Variants in ABHD6 observed in about 807,000 individuals in gnomAD.
The protein encoded by ABHD6 is monoacylglycerol lipase ABHD6.
ABHD6 carries 33 observed loss-of-function variants against 38.8 expected under a neutral mutation model. That is an observed-to-expected ratio of 0.85 (90% confidence interval 0.64 to 1.14). The LOEUF (loss-of-function observed/expected upper bound fraction) is 1.14, where lower values mean the gene tolerates loss of function less well. ABHD6 is among the 50% of genes most tolerant of loss of function. ABHD6 has a pLI of 0.00. For synonymous variants in ABHD6, 147 were observed against 161.6 expected (o/e 0.91, Z 0.69); for missense variants, 380 against 422.6 (o/e 0.90, Z 0.88).
intron 1 of ABHD6, among the ~76,000 whole-genome samples, chr3:58,245,734 C>T (rs1230524341): frequency 6.6e-6 from 1 of 151,546 alleles, no homozygotes; most frequent in Non-Finnish European, 1.5e-5. Context: ...GAACTGAGAT[C>T]GTGCCACTGC....
chr3:58,277,274 G>A (rs192711050), intron 7 of ABHD6, among the ~76,000 whole-genome samples: 20 of 152,168 alleles, frequency 1.3e-4, no homozygotes, highest in African/African-American at 3.4e-4. Context: ...ATTTGTTAGC[G>A]TCCTCTTTTA....
intron 6 of ABHD6, among the ~76,000 whole-genome samples, chr3:58,274,080 G>A (rs1258251085): frequency 2.6e-5 from 4 of 152,176 alleles, no homozygotes; most frequent in Non-Finnish European, 5.9e-5. Context: ...AGCAACTGTG[G>A]AGAAGGCAGC....
chr3:58,273,449 A>G lies in ABHD6; in HGVS notation c.524-1209A>G, dbSNP rs2097446456. On this transcript the variant is annotated intron_variant, in intron 6 of 9. Coordinates refer to ENST00000478253, the MANE Select transcript of ABHD6 (RefSeq NM_001320126.2). This position sits in a 1 kb window ranked among gnomAD's most constrained non-coding sequence, Gnocchi z 4.8. ...ACATATGTTTATTGCAGCACTATTTACGATAGCAAAGACTTGGAACTAACC... is the reference window on the plus strand; with the variant it reads ...ACATATGTTTATTGCAGCACTATTTGCGATAGCAAAGACTTGGAACTAACC... Among the ~76,000 whole-genome samples the G allele has an allele frequency of 6.6e-6, 1 of 152,198 alleles. No homozygotes were observed. The highest frequency in any genetic ancestry group is 6.5e-5 in the Admixed American group (1 of 15,270).
intron 9 of ABHD6, among the ~76,000 whole-genome samples, chr3:58,292,755 A>G (rs545061622): frequency 6.6e-6 from 1 of 152,132 alleles, no homozygotes; most frequent in African/African-American, 2.4e-5. Flanking sequence ...CATCTCTACT[A>G]GAAATACAAA....
chr3:58,290,758 C>T (rs907317067), intron 9 of ABHD6, among the ~76,000 whole-genome samples: 4 of 149,844 alleles, frequency 2.7e-5, no homozygotes, highest in African/African-American at 4.9e-5. Context: ...GGGGCAAAGG[C>T]GCTCTCCACA....
At position 58,289,875 on chromosome 3, in the gene ABHD6, C is replaced by CCT. The variant is rs35297776; in HGVS notation, c.838-3714_838-3713insCT. Among the ~76,000 whole-genome samples, 25 of 134,296 alleles carry CCT rather than the reference C, an allele frequency of 1.9e-4. 1 individual carries two copies. The East Asian group carries it at 3.7e-3, about 20-fold the overall frequency. The allele number at this position is 134,296 out of a possible 152,430, so 88.1% of individuals were successfully genotyped here. ...TGGCCGGGTAGGGGGCTGACCCCCC[C>CCT]ACCTCCCTCCCGGACGGGGTGGCTG... is the stretch of plus-strand genomic sequence containing the variant. On this transcript the variant is annotated intron_variant, in intron 9 of 9. Transcript: ENST00000478253.
rs1408882301 is a variant in ABHD6, at chr3:58,253,528, T to C, written c.-25-3034T>C. ...AAATAGGTGACTCCTTCAGGGATTT[T>C]TGTAATTACCGAAAGAGGAAAGATG... On this transcript the variant is annotated intron_variant, in intron 2 of 9. Transcript: ENST00000478253. 5.3e-5 allele frequency among the ~76,000 whole-genome samples: 8 copies of C among 152,246 alleles called. No homozygotes were observed. The East Asian group carries it at 1.5e-3, about 29-fold the overall frequency.
chr3:58,274,422 T>G (rs2271634), intron 6 of ABHD6, among the ~76,000 whole-genome samples: 43,238 of 152,050 alleles, frequency 0.28, 6,221 homozygotes, highest in African/African-American at 0.29. Context: ...ATGCTCCTGG[T>G]CCATGGACTA....
intron 7 of ABHD6, among the ~76,000 whole-genome samples, chr3:58,280,661 G>A (rs1358164528): frequency 2.0e-5 from 3 of 152,232 alleles, no homozygotes; most frequent in Non-Finnish European, 2.9e-5. Flanking sequence ...TCATTTGGAG[G>A]AGAAGAGGCG....
chr3:58,279,952 G>A (rs1032142850), intron 7 of ABHD6, among the ~76,000 whole-genome samples: 1 of 152,228 alleles, frequency 6.6e-6, no homozygotes, highest in African/African-American at 2.4e-5. Flanking sequence ...TTTCTGCCAA[G>A]AGATCCGCTG....
At chr3:58,250,736 TC>T (rs1417479448) in intron 2 of ABHD6, among the ~76,000 whole-genome samples, 1 of 152,108 alleles carries the variant, frequency 6.6e-6, no homozygotes. Context: ...GGGGTGTAAG[TC>T]CCCTAAGGCT....
At position 58,263,278 on chromosome 3, in the gene ABHD6, T is replaced by C. The variant is rs2097438333; in HGVS notation, c.120-3911T>C. Among the ~76,000 whole-genome samples, 1 of 151,612 alleles carries C rather than the reference T, an allele frequency of 6.6e-6. No individual in the cohort carries two copies. Among genetic ancestry groups the C allele is most frequent in the Non-Finnish European group, 1.5e-5 (1 of 67,984 alleles). On this transcript the variant is annotated intron_variant, in intron 3 of 9. Coordinates refer to ENST00000478253, the MANE Select transcript of ABHD6 (RefSeq NM_001320126.2). This position sits in a 1 kb window ranked among gnomAD's most constrained non-coding sequence, Gnocchi z 4.9. ...GGTGGCACACACCTGTAATCCCAGC[T>C]ACTCAGGAGGCTGAGGCGGGAGAAT...
intron 3 of ABHD6, chr3:58,258,513 C>A: frequency 3.3e-6 from 1 of 303,228 alleles, no homozygotes. Flanking sequence ...GCTTCATTGC[C>A]TTTTCATGCC....
At chr3:58,246,264 C>T (rs1031131731) in intron 1 of ABHD6, among the ~76,000 whole-genome samples, 6 of 152,128 alleles carry the variant, frequency 3.9e-5, no homozygotes, top group South Asian at 2.1e-4. Flanking sequence ...TTCAAGCAGG[C>T]GGTTATTCCA....
intron 3 of ABHD6, among the ~76,000 whole-genome samples, chr3:58,262,815 A>G (rs142464079): frequency 6.6e-6 from 1 of 152,156 alleles, no homozygotes; most frequent in African/African-American, 2.4e-5. Context: ...CACGCCTGTA[A>G]TCCCAACACT....
At chr3:58,242,557 T>A (rs1022187277) in intron 1 of ABHD6, among the ~76,000 whole-genome samples, 1 of 152,106 alleles carries the variant, frequency 6.6e-6, no homozygotes, top group African/African-American at 2.4e-5. Context: ...CAGTCAGCAG[T>A]TGGTTTTGTT....
At chr3:58,286,874 A>ATATATG (rs1559784540) in intron 9 of ABHD6, among the ~76,000 whole-genome samples, 7 of 134,786 alleles carry the variant, frequency 5.2e-5, no homozygotes, top group East Asian at 4.6e-4. Context: ...ATATATGTAT[A>ATATATG]TGTATATATA....
At chr3:58,288,024 C>A (rs2097458734) in intron 9 of ABHD6, among the ~76,000 whole-genome samples, 1 of 152,158 alleles carries the variant, frequency 6.6e-6, no homozygotes, top group Admixed American at 6.5e-5. Flanking sequence ...AATTTTTTTC[C>A]CAGACTCAGA....
chr3:58,290,628 G>A (rs28481519), intron 9 of ABHD6, among the ~76,000 whole-genome samples: 17 of 146,510 alleles, frequency 1.2e-4, no homozygotes, highest in Non-Finnish European at 3.0e-5. Context: ...CAGACAGGGC[G>A]GTTGCCGGGC....
Sources: allele counts gnomAD v4.1 joint callset (sites outside exome capture counted in the v4.1 genomes callset), GRCh38; gene constraint gnomAD v4.1.1; non-coding constraint Gnocchi (gnomAD v3.1); transcripts MANE v1.5; gene names NCBI Gene and HGNC (gene_info 2026-07-23, HGNC 2026-07-21).